The following DYM variants were observed in gnomAD, a reference collection of about 807,000 sequenced individuals.
The protein encoded by DYM is dyggve-Melchior-Clausen syndrome protein.
Under a neutral mutation model 93.1 loss-of-function variants are expected in DYM, and 78 were observed. The ratio of observed to expected loss-of-function variants is 0.84; its 90% CI spans 0.70 to 1.01. DYM has a LOEUF of 1.01. Ranked by LOEUF, DYM falls within the 50% of genes least tolerant of loss-of-function variation. The pLI, the probability that DYM is intolerant of heterozygous loss-of-function variation, is 0.00. For missense variants in DYM, 789 were observed against 845.0 expected, an observed-to-expected ratio of 0.93 and a Z score of 0.82; for synonymous variants, 321 against 319.7, an observed-to-expected ratio of 1.00 and a Z score of -0.04.
intron 13 of DYM, among the ~76,000 whole-genome samples, chr18:49,217,241 A>ATATGGGAC (rs1259609624): frequency 5.9e-5 from 9 of 152,364 alleles, no homozygotes; most frequent in African/African-American, 1.9e-4. Flanking sequence ...CCTTCAAGAA[A>ATATGGGAC]TATGGGACTA....
chr18:49,258,773 G>A (rs1396659186), intron 11 of DYM, among the ~76,000 whole-genome samples: 2 of 117,878 alleles, frequency 1.7e-5, no homozygotes, highest in African/African-American at 3.5e-5. Context: ...TGTAACCTAG[G>A]GATCATAGAC....
intron 8 of DYM, among the ~76,000 whole-genome samples, chr18:49,295,707 T>A (rs1278531168): frequency 2.0e-5 from 3 of 152,182 alleles, no homozygotes; most frequent in African/African-American, 7.2e-5. Flanking sequence ...CAAACCGATA[T>A]CCTAACTAAT....
rs567679166 is a variant in DYM, at chr18:49,368,446, G to A, written c.422-5213C>T. 3.3e-5 allele frequency among the ~76,000 whole-genome samples: 5 copies of A among 152,262 alleles called. No individual in the cohort carries two copies. In the East Asian group the frequency reaches 9.6e-4, roughly 29 times the overall value. The stretch of plus-strand genomic sequence containing the variant: ...ACAAGTCAATATTTTAAAGGAATAA[G>A]TCCATGCTTTCTTTTTTCTCTGGGC... On this transcript the variant is annotated intron_variant, in intron 5 of 17. Transcript: ENST00000675505.
intron 17 of DYM, chr18:49,093,137 G>C (rs950966066): frequency 6.6e-6 from 1 of 152,168 alleles, no homozygotes; most frequent in Non-Finnish European, 1.5e-5. Context: ...GTGTGCCATA[G>C]GAATGTGGAG....
chr18:49,040,138 C>A lies in DYM; in HGVS notation c.*3917G>T, dbSNP rs139306404. The A allele has an allele frequency of 9.2e-5, 14 of 152,302 alleles. No individual in the cohort carries two copies. The highest frequency in any genetic ancestry group is 3.1e-4 in the African/African-American group (13 of 41,570). 9.4% of individuals were successfully genotyped at this position (152,302 alleles called of 1,614,324 possible). A position where few individuals can be genotyped will look rare whatever the true frequency, so the allele number is the denominator to read the frequency against. On this transcript the variant is annotated 3_prime_UTR_variant, in exon 18 of 18. Coordinates refer to ENST00000675505, the MANE Select transcript of DYM (RefSeq NM_001353214.3). ...ATAGTCCAATGACAGTAATGGAGGA[C>A]CAACCCTCAAGCTAAGGACAACTTG...
At chr18:49,150,401 A>G (rs1244563788) in intron 15 of DYM, among the ~76,000 whole-genome samples, 4 of 152,190 alleles carry the variant, frequency 2.6e-5, no homozygotes, top group Non-Finnish European at 4.4e-5. Context: ...TGATGACATT[A>G]GTACCCTTAT....
chr18:49,186,681 T>G (rs1486567671), intron 14 of DYM, among the ~76,000 whole-genome samples: 1 of 152,114 alleles, frequency 6.6e-6, no homozygotes. Flanking sequence ...TACTATGAGG[T>G]TCACCATCTT....
Position 49,266,788 on chromosome 18 carries a change from C to T in DYM, c.1251+5390G>A, listed in dbSNP as rs527253374. Among the ~76,000 whole-genome samples the T allele has an allele frequency of 2.0e-5, 3 of 152,244 alleles. No individual in the cohort carries two copies. In the East Asian group the frequency reaches 5.8e-4, roughly 29 times the overall value. ...ATAAAGTTTGACTTTAATGTATTTTCAAATTCTTAAAAATAATTACTGTTA... is the reference window on the plus strand; with the variant it reads ...ATAAAGTTTGACTTTAATGTATTTTTAAATTCTTAAAAATAATTACTGTTA... On this transcript the variant is annotated intron_variant, in intron 11 of 17. Coordinates refer to ENST00000675505, the MANE Select transcript of DYM (RefSeq NM_001353214.3).
chr18:49,104,334 GATATACA>G (rs1381968936), intron 16 of DYM, among the ~76,000 whole-genome samples: 1 of 152,110 alleles, frequency 6.6e-6, no homozygotes, highest in Non-Finnish European at 1.5e-5. Flanking sequence ...GGGTTTTCTA[GATATACA>G]ATCATGTCAT....
intron 17 of DYM, among the ~76,000 whole-genome samples, chr18:49,063,307 CT>C (rs200482925): frequency 0.13 from 17,923 of 135,416 alleles, 1,515 homozygotes; most frequent in East Asian, 0.34. Context: ...GATTTCTTTT[CT>C]TTTTTTTTTT....
intron 6 of DYM, among the ~76,000 whole-genome samples, chr18:49,355,241 A>G (rs1346033939): frequency 6.6e-6 from 1 of 152,010 alleles, no homozygotes; most frequent in African/African-American, 2.4e-5. Flanking sequence ...TGATAGATGT[A>G]TCTATCAATG....
At chr18:49,308,952 C>T (rs1005301265) in intron 8 of DYM, among the ~76,000 whole-genome samples, 12 of 152,126 alleles carry the variant, frequency 7.9e-5, no homozygotes, top group African/African-American at 2.7e-4. Context: ...TTGGGTAGAT[C>T]CATATAATAC....
chr18:49,303,246 T>A (rs567384432), intron 8 of DYM, among the ~76,000 whole-genome samples: 1 of 152,238 alleles, frequency 6.6e-6, no homozygotes, highest in Non-Finnish European at 1.5e-5. Context: ...CCTTTCTTTA[T>A]GGTTCATTCC....
At chr18:49,311,424 T>A (rs1165116904) in intron 8 of DYM, among the ~76,000 whole-genome samples, 1 of 152,150 alleles carries the variant, frequency 6.6e-6, no homozygotes, top group Non-Finnish European at 1.5e-5. Flanking sequence ...AGAATTCACA[T>A]AAAAGATGTT....
intron 13 of DYM, among the ~76,000 whole-genome samples, chr18:49,245,900 T>G (rs2094153055): frequency 6.6e-6 from 1 of 152,222 alleles, no homozygotes. Context: ...TTTCTCTTTA[T>G]TTCTCAGACC....
In DYM at chr18:49,062,658, TCTC is replaced by T. The variant is rs141372820; in HGVS notation, c.2026-18457_2026-18455del. Among the ~76,000 whole-genome samples, 328 of 152,316 alleles carry T rather than the reference TCTC, an allele frequency of 2.2e-3. 2 individuals are homozygous for T. The highest frequency in any genetic ancestry group is 7.5e-3 in the African/African-American group (312 of 41,566). The stretch of plus-strand genomic sequence containing the variant: ...GGTGGCCATGCTGTTTGCCATTTGT[TCTC>T]CTCCACCTGACTCCTGAATTATTTG... On this transcript the variant is annotated intron_variant, in intron 17 of 17. Transcript: ENST00000675505.
chr18:49,120,509 C>T (rs924520441), intron 15 of DYM, among the ~76,000 whole-genome samples: 1 of 152,136 alleles, frequency 6.6e-6, no homozygotes, highest in Non-Finnish European at 1.5e-5. Flanking sequence ...TGCTCAAGTC[C>T]CTTATACAAA....
In DYM at chr18:49,036,745, G is replaced by T. The variant is rs556523830; in HGVS notation, c.*7310C>A. On this transcript the variant is annotated 3_prime_UTR_variant, in exon 18 of 18. Transcript: ENST00000675505. ...TTGTGTGTGTGTGTGTGTAGAGACA[G>T]GAGGGTTTCACCATGTTATCCAGGC... 2.6e-4 allele frequency among the ~76,000 whole-genome samples: 40 copies of T among 151,978 alleles called. No individual in the cohort carries two copies. The highest frequency in any genetic ancestry group is 9.2e-4 in the African/African-American group (38 of 41,438).
intron 14 of DYM, among the ~76,000 whole-genome samples, chr18:49,201,591 C>G (rs1271075763): frequency 1.3e-5 from 2 of 152,174 alleles, no homozygotes; most frequent in African/African-American, 2.4e-5. Flanking sequence ...TCAAGGCCCT[C>G]GAGAGTCTGG....
Sources: allele counts gnomAD v4.1 joint callset (sites outside exome capture counted in the v4.1 genomes callset), GRCh38; gene constraint gnomAD v4.1.1; transcripts MANE v1.5; gene names NCBI Gene and HGNC (gene_info 2026-07-23, HGNC 2026-07-21).